Variants in RNF17 observed in about 807,000 individuals in gnomAD.
RNF17 encodes ring finger protein 17, also known as spermatogenesis associated 23.
RNF17 carries 31 observed loss-of-function variants against 200.5 expected under a neutral mutation model. That is an observed-to-expected ratio of 0.15 (90% CI 0.12 to 0.21). The LOEUF is 0.21. Ranked by LOEUF, RNF17 falls within the 10% of genes least tolerant of loss-of-function variation. RNF17 has a pLI of 1.00. For synonymous variants in RNF17, 606 were observed against 637.8 expected (o/e 0.95, Z 0.75); for missense variants, 1,628 against 1,905.1 (o/e 0.85, Z 2.71).
intron 8 of RNF17, 120 bp downstream of exon 8, chr13:24,789,544 G>A: frequency 1.1e-6 from 1 of 913,044 alleles, no homozygotes; most frequent in Non-Finnish European, 1.7e-6. Context: ...TACTAAGTTA[G>A]TAACCAAATT....
Position 24,804,339 on chromosome 13 carries a change from C to G in RNF17, c.2001C>G (p.His667Gln), listed in dbSNP as rs1166168315. ...ACTTTGAAAAAAATACTACTTTACA[C>G]TATCATCCACCTATTTTGCCTAAAG... ...RSHFEKNTTL[H>Q]YHPPILPKEM... Residue 667 changes from histidine (H) to glutamine (Q), a missense_variant, in exon 15 of 36, where the codon CAC (histidine) becomes CAG (glutamine). Physicochemically the swap from His to Gln is conservative, Grantham distance 24. Around this residue, in one of 5 missense-constraint regions of RNF17, gnomAD observed 289 missense variants for 384.9 expected, o/e 0.75. Coordinates refer to ENST00000255324, the MANE Select transcript of RNF17 (RefSeq NM_031277.3). The G allele has an allele frequency of 5.6e-6, 9 of 1,611,010 alleles. No homozygotes were observed. The South Asian group carries it at 7.7e-5, about 14-fold the overall frequency.
chr13:24,828,709 A>C (rs1889035800), intron 16 of RNF17, among the ~76,000 whole-genome samples: 1 of 151,770 alleles, frequency 6.6e-6, no homozygotes, highest in African/African-American at 2.4e-5. Flanking sequence ...AATTATGTTC[A>C]CTTTTCACTT....
intron 9 of RNF17, among the ~76,000 whole-genome samples, chr13:24,791,484 C>T (rs1883851573): frequency 6.6e-6 from 1 of 152,072 alleles, no homozygotes; most frequent in Admixed American, 6.6e-5. Flanking sequence ...TTACTGTTTA[C>T]CAGCTTTCTG....
At chr13:24,887,639 T>A in the RNF17 span, among the ~76,000 whole-genome samples, 1 of 151,802 alleles carries the variant, frequency 6.6e-6, no homozygotes, top group Non-Finnish European at 1.5e-5. Flanking sequence ...TTATGGTGAG[T>A]TGTATAATTA....
chr13:24,778,929 C>G (rs1374099987), intron 4 of RNF17, among the ~76,000 whole-genome samples: 10 of 152,178 alleles, frequency 6.6e-5, no homozygotes, highest in Non-Finnish European at 2.9e-5. Flanking sequence ...TGGCTCCTGC[C>G]TATAATCCCA....
At chr13:24,750,327 C>T in the RNF17 span, among the ~76,000 whole-genome samples, 1 of 152,172 alleles carries the variant, frequency 6.6e-6, no homozygotes, top group Non-Finnish European at 1.5e-5. Flanking sequence ...ATGATTTATA[C>T]ACTATAGAAT....
intron 25 of RNF17, among the ~76,000 whole-genome samples, chr13:24,858,636 A>C (rs1338766006): frequency 6.6e-6 from 1 of 151,148 alleles, no homozygotes; most frequent in East Asian, 2.0e-4. Flanking sequence ...TAAAAGCAAA[A>C]TTGAAATTTT....
the RNF17 span, among the ~76,000 whole-genome samples, chr13:24,887,301 C>T: frequency 2.6e-5 from 4 of 152,262 alleles, no homozygotes; most frequent in African/African-American, 9.6e-5. Context: ...GCCCCAAACC[C>T]CACGGTATAC....
At chr13:24,811,775 A>G (rs1233350074) in intron 15 of RNF17, among the ~76,000 whole-genome samples, 41 of 151,868 alleles carry the variant, frequency 2.7e-4, no homozygotes, top group Admixed American at 1.8e-3. Flanking sequence ...TTGTGGTTTT[A>G]TCTACTTTTG....
chr13:24,797,647 G>A (rs1884723834), intron 11 of RNF17, among the ~76,000 whole-genome samples: 1 of 150,974 alleles, frequency 6.6e-6, no homozygotes, highest in African/African-American at 2.4e-5. Flanking sequence ...AGGTTAATTG[G>A]TGTGTCTACA....
At chr13:24,756,790 G>T in the RNF17 span, among the ~76,000 whole-genome samples, 3 of 152,118 alleles carry the variant, frequency 2.0e-5, no homozygotes, top group African/African-American at 4.8e-5. Flanking sequence ...ATCGACCGAA[G>T]CCTTCCCCCA....
At chr13:24,806,240 T>A (rs1885833724) in intron 15 of RNF17, among the ~76,000 whole-genome samples, 1 of 152,188 alleles carries the variant, frequency 6.6e-6, no homozygotes, top group South Asian at 2.1e-4. Flanking sequence ...ATATGTGCCA[T>A]ATTTTCTTTA....
At chr13:24,825,916 A>G (rs1306682666) in intron 16 of RNF17, 144 bp downstream of exon 16, 19 of 1,400,954 alleles carry the variant, frequency 1.4e-5, no homozygotes, top group Non-Finnish European at 1.8e-5. Flanking sequence ...AGCTAGTGAT[A>G]ATGTTGAAAG....
intron 19 of RNF17, among the ~76,000 whole-genome samples, chr13:24,842,858 G>A (rs997101744): frequency 4.0e-5 from 6 of 151,892 alleles, no homozygotes; most frequent in African/African-American, 9.7e-5. Flanking sequence ...GGTGGCGTGC[G>A]TGCCTATAGT....
At chr13:24,784,157 G>A (rs1476861756) in intron 6 of RNF17, among the ~76,000 whole-genome samples, 2 of 152,160 alleles carry the variant, frequency 1.3e-5, no homozygotes, top group Non-Finnish European at 2.9e-5. Flanking sequence ...AATGTGGTAT[G>A]TTACATCAAT....
chr13:24,787,398 G>A (rs1883250973), intron 6 of RNF17, among the ~76,000 whole-genome samples: 1 of 152,110 alleles, frequency 6.6e-6, no homozygotes, highest in Non-Finnish European at 1.5e-5. Context: ...GGTGTGCCTT[G>A]TGGTATTTTT....
chr13:24,834,434 G>C (rs12872794), intron 18 of RNF17, among the ~76,000 whole-genome samples: 129,859 of 151,376 alleles, frequency 0.86, 55,758 homozygotes, highest in Middle Eastern at 0.93. Context: ...ACAACAACAA[G>C]AACAACAAAA....
At chr13:24,862,663 T>C (rs913851321) in intron 27 of RNF17, 50 bp from the exon 28 acceptor site, 1 of 1,178,920 alleles carries the variant, frequency 8.5e-7, no homozygotes. Flanking sequence ...TGCTTCCTGC[T>C]CTGATTTTAT....
intron 22 of RNF17, among the ~76,000 whole-genome samples, chr13:24,846,507 C>T (rs1253220787): frequency 6.6e-6 from 1 of 152,178 alleles, no homozygotes; most frequent in Admixed American, 6.5e-5. Context: ...GGAAACAGCT[C>T]TATCATTAAG....
Sources: allele counts gnomAD v4.1 joint callset (sites outside exome capture counted in the v4.1 genomes callset), GRCh38; gene constraint gnomAD v4.1.1; regional missense constraint gnomAD v4.1.1; transcripts MANE v1.5; gene names NCBI Gene and HGNC (gene_info 2026-07-23, HGNC 2026-07-21).